P2RY10: variants seen among roughly 807,000 people sequenced by gnomAD.
The protein encoded by P2RY10 is putative P2Y purinoceptor 10.
Under a neutral mutation model 12.1 loss-of-function variants are expected in P2RY10, and 4 were observed. That is an observed-to-expected ratio of 0.33 (90% CI 0.16 to 0.76). The LOEUF is 0.76. P2RY10 is among the 30% of genes least tolerant of loss of function. The pLI is 0.61. For missense variants in P2RY10, 233 were observed against 264.6 expected, an observed-to-expected ratio of 0.88 and a Z score of 0.83; for synonymous variants, 112 against 94.1, an observed-to-expected ratio of 1.19 and a Z score of -1.10.
Position 78,960,991 on chromosome X carries a change from G to A in P2RY10, c.471G>A (p.Trp157Ter). ...RYDVGISAAI[W>*]IVVGTACLPF... ...ATGTGGGCATCAGTGCTGCCATCTG[G>A]ATCGTTGTGGGGACTGCCTGTTTGC... is the stretch of plus-strand genomic sequence containing the variant. The change falls in exon 4 of 4, where the codon TGG becomes TGA. Residue 157 changes from tryptophan to a stop codon, truncating the protein, a stop_gained. Transcript: ENST00000171757. LOFTEE classifies it high-confidence loss of function. 1 of 1,211,648 alleles carries A rather than the reference G, an allele frequency of 8.3e-7. No homozygotes were observed. Among genetic ancestry groups the A allele is most frequent in the Non-Finnish European group, 1.1e-6 (1 of 895,377 alleles).
At position 78,961,788 on chromosome X, in the gene P2RY10, C is replaced by T. The variant is rs1475210450; in HGVS notation, c.*248C>T. 2.4e-5 allele frequency: 7 copies of T among 292,764 alleles called. No individual in the cohort carries two copies. Among genetic ancestry groups the T allele is most frequent in the Middle Eastern group, 9.5e-4 (1 of 1,052 alleles). The allele number at this position is 292,764 out of a possible 1,213,427, so 24.1% of individuals were successfully genotyped here. Reference sequence around the variant, plus strand: ...CAAGCCACTTTCTTATTTAAGAAACCTAGATCAAGTTTTTACAGATGTAAA... The same window carrying T: ...CAAGCCACTTTCTTATTTAAGAAACTTAGATCAAGTTTTTACAGATGTAAA... On this transcript the variant is annotated 3_prime_UTR_variant, in exon 4 of 4. Transcript: ENST00000171757.
At chrX:78,946,376 A>G (rs1006391204) in intron 1 of P2RY10, among the ~76,000 whole-genome samples, 37 of 111,257 alleles carry the variant, frequency 3.3e-4, no homozygotes, top group African/African-American at 1.2e-3. Context: ...GAATACTAGC[A>G]CCTCTCTCCT....
At chrX:78,957,555 T>C (rs1922398661) in intron 3 of P2RY10, among the ~76,000 whole-genome samples, 1 of 111,117 alleles carries the variant, frequency 9.0e-6, no homozygotes, top group Non-Finnish European at 1.9e-5. Flanking sequence ...GCAAGCTAAG[T>C]GTTCCCTCTA....
intron 1 of P2RY10, among the ~76,000 whole-genome samples, chrX:78,947,441 T>A (rs1434631223): frequency 8.9e-6 from 1 of 112,102 alleles, no homozygotes. Flanking sequence ...TCTCCTAGTA[T>A]CAGTTCATAT....
chrX:78,951,537 G>A (rs982887550), intron 2 of P2RY10, among the ~76,000 whole-genome samples: 16 of 111,222 alleles, frequency 1.4e-4, no homozygotes, highest in Admixed American at 3.8e-4. Context: ...AATTCAGTAG[G>A]TGTTCGAAGA....
chrX:78,952,218 C>T lies in P2RY10; in HGVS notation c.-131C>T. 1 of 750,852 alleles carries T rather than the reference C, an allele frequency of 1.3e-6. No homozygotes were observed. Among genetic ancestry groups the T allele is most frequent in the Non-Finnish European group, 1.6e-6 (1 of 636,195 alleles). The allele number at this position is 750,852 out of a possible 1,213,427, so 61.9% of individuals were successfully genotyped here. A position where few individuals can be genotyped will look rare whatever the true frequency, so the allele number is the denominator to read the frequency against. On this transcript the variant is annotated 5_prime_UTR_variant, in exon 3 of 4. Transcript: ENST00000171757. ...GTTAAAACTCTATGCTGGTCATTCC[C>T]TTCAGGATTTGGCACTCACCAACAT... is the stretch of plus-strand genomic sequence containing the variant.
chrX:78,956,582 TA>T (rs1203025114), intron 3 of P2RY10, among the ~76,000 whole-genome samples: 178 of 101,507 alleles, frequency 1.8e-3, no homozygotes, highest in South Asian at 8.7e-3. Context: ...ACAAACAAAT[TA>T]AAAAAAAAAA....
chrX:78,948,517 G>C (rs2742211), intron 2 of P2RY10, among the ~76,000 whole-genome samples: 8 of 110,676 alleles, frequency 7.2e-5, no homozygotes, highest in African/African-American at 2.6e-4. Flanking sequence ...CTGTTGCATG[G>C]GTAAATTATA....
Position 78,962,950 on chromosome X carries a change from A to G in P2RY10, c.*1410A>G, listed in dbSNP as rs1260562828. Among the ~76,000 whole-genome samples the G allele has an allele frequency of 8.9e-6, 1 of 112,412 alleles. No homozygotes were observed. The highest frequency in any genetic ancestry group is 1.9e-5 in the Non-Finnish European group (1 of 53,270). On this transcript the variant is annotated 3_prime_UTR_variant, in exon 4 of 4. Coordinates refer to ENST00000171757, the MANE Select transcript of P2RY10 (RefSeq NM_014499.4). ...GCGTAATTGACAATATCTGCATTAG[A>G]AACAGAAAGTATTATCCATCATAAA...
chrX:78,948,361 A>T (rs1921943272), intron 2 of P2RY10, among the ~76,000 whole-genome samples: 1 of 112,056 alleles, frequency 8.9e-6, no homozygotes. Context: ...AGGCCCTTGG[A>T]GATGACTCTG....
chrX:78,960,503 G>T lies in P2RY10; in HGVS notation c.-13-5G>T. The T allele has an allele frequency of 8.4e-7, 1 of 1,192,514 alleles. No individual in the cohort carries two copies. Among genetic ancestry groups the T allele is most frequent in the Non-Finnish European group, 1.1e-6 (1 of 883,903 alleles). ...TTACTCTTTATTTTGTTTTACTTTG[G>T]GCAGGAACCATAAATCCATGGCTAA... On this transcript the variant is annotated splice_region_variant and splice_polypyrimidine_tract_variant and intron_variant, in intron 3 of 3. Transcript: ENST00000171757.
chrX:78,948,353 G>C (rs1328894794), intron 2 of P2RY10, among the ~76,000 whole-genome samples: 1 of 111,592 alleles, frequency 9.0e-6, no homozygotes, highest in Non-Finnish European at 1.9e-5. Context: ...CCAACCAAAG[G>C]CCCTTGGAGA....
In P2RY10 at chrX:78,961,321, C is replaced by T. The variant is rs977668287; in HGVS notation, c.801C>T (p.Thr267=). The T allele has an allele frequency of 2.5e-6, 3 of 1,209,552 alleles. No individual in the cohort carries two copies. Among genetic ancestry groups the T allele is most frequent in the African/African-American group, 1.7e-5 (1 of 57,695 alleles). Residue 267 remains threonine (T), a synonymous_variant, in exon 4 of 4, where the codon ACC becomes ACT. Transcript: ENST00000171757. ...ATCATATTAACTTTATTTTTTACACCATGGTAAAGGAAACCATCATTAGCA... is the reference window on the plus strand; with the variant it reads ...ATCATATTAACTTTATTTTTTACACTATGGTAAAGGAAACCATCATTAGCA... ...TPYHINFIFY[T]MVKETIISSC...
At chrX:78,959,911 C>A (rs918686947) in intron 3 of P2RY10, among the ~76,000 whole-genome samples, 1 of 111,663 alleles carries the variant, frequency 9.0e-6, no homozygotes, top group African/African-American at 3.3e-5. Context: ...TGCAGGATAA[C>A]CTAGAGTCAC....
chrX:78,954,820 T>C (rs2742205), intron 3 of P2RY10, among the ~76,000 whole-genome samples: 45,821 of 110,895 alleles, frequency 0.41, 7,319 homozygotes, highest in Non-Finnish European at 0.51. Context: ...ATACTAATAA[T>C]AACCAGTAAA....
chrX:78,949,190 TTGAGGAATCTC>T (rs1921990981), intron 2 of P2RY10, among the ~76,000 whole-genome samples: 1 of 111,917 alleles, frequency 8.9e-6, no homozygotes, highest in Non-Finnish European at 1.9e-5. Context: ...ATATCTTCTT[TTGAGGAATCTC>T]TATTTATGTC....
At chrX:78,958,494 T>G (rs903692706) in intron 3 of P2RY10, among the ~76,000 whole-genome samples, 1 of 112,383 alleles carries the variant, frequency 8.9e-6, no homozygotes, top group Non-Finnish European at 1.9e-5. Flanking sequence ...CCAGGAATGA[T>G]AGTAAATCCT....
At chrX:78,947,984 G>A (rs1413801067) in intron 2 of P2RY10, 121 bp downstream of exon 2, 1 of 160,740 alleles carries the variant, frequency 6.2e-6, no homozygotes, top group Non-Finnish European at 1.0e-5. Flanking sequence ...TTAAACCCAA[G>A]GTTCCCTTTG....
At chrX:78,958,564 A>C (rs11795579) in intron 3 of P2RY10, among the ~76,000 whole-genome samples, 6,715 of 112,216 alleles carry the variant, frequency 0.06, 637 homozygotes, top group East Asian at 0.52. Flanking sequence ...TCTGAAGCTC[A>C]GTTTTTTCAT....
Sources: gnomAD v4.1 joint callset for allele counts (sites outside exome capture counted in the v4.1 genomes callset) on GRCh38, gnomAD v4.1.1 for gene constraint, MANE v1.5 for transcripts, NCBI Gene and HGNC (gene_info 2026-07-23, HGNC 2026-07-21) for gene names.